The following SLIT2 variants were observed in gnomAD, a reference collection of about 807,000 sequenced individuals.
The protein encoded by SLIT2 is slit guidance ligand 2, also known as slit homolog 2 protein.
In SLIT2, 41 loss-of-function variants were observed where a neutral mutation model predicts 185.7. That is an observed-to-expected ratio of 0.22 (90% CI 0.17 to 0.29). The LOEUF is 0.29. SLIT2 is among the 10% of genes least tolerant of loss of function. SLIT2 has a pLI of 1.00. For synonymous variants in SLIT2, 693 were observed against 680.2 expected (o/e 1.02, Z -0.29); for missense variants, 1,571 against 1,909.0 (o/e 0.82, Z 3.30).
At chr4:20,507,767 G>T (rs1206578205) in intron 9 of SLIT2, among the ~76,000 whole-genome samples, 2 of 151,734 alleles carry the variant, frequency 1.3e-5, no homozygotes, top group Admixed American at 1.3e-4. Flanking sequence ...ACTATTAAAA[G>T]AAATCTACTA....
chr4:20,269,953 A>C (rs766176955), intron 4 of SLIT2, among the ~76,000 whole-genome samples: 9 of 151,916 alleles, frequency 5.9e-5, no homozygotes, highest in Non-Finnish European at 1.0e-4. Flanking sequence ...GACATACCAG[A>C]TCTCTCCAGA....
Position 20,345,537 on chromosome 4 carries a change from C to CTTT in SLIT2, c.395+76660_395+76662dup, listed in dbSNP as rs149402460. Among the ~76,000 whole-genome samples the CTTT allele has an allele frequency of 1.7e-4, 19 of 112,320 alleles. No homozygotes were observed. The South Asian group carries it at 2.6e-3, about 15-fold the overall frequency. The allele number at this position is 112,320 out of a possible 152,430, so 73.7% of individuals were successfully genotyped here. On this transcript the variant is annotated intron_variant, in intron 4 of 36. Transcript: ENST00000504154. ...TTTTCTTTTTCTTTTTTCCTTTTTT[C>CTTT]TTTTTTCTTTTTTTTTGAGATAGAG...
intron 5 of SLIT2, among the ~76,000 whole-genome samples, chr4:20,478,886 A>T (rs1440283788): frequency 1.3e-5 from 2 of 152,200 alleles, no homozygotes; most frequent in African/African-American, 4.8e-5. Flanking sequence ...ATCTGTAAAA[A>T]TCAAAAGTGC....
intron 26 of SLIT2, among the ~76,000 whole-genome samples, chr4:20,554,880 C>G (rs1232017457): frequency 1.3e-5 from 2 of 152,148 alleles, no homozygotes; most frequent in Non-Finnish European, 2.9e-5. Flanking sequence ...AGCAATTCTC[C>G]TGCCTCAGCC....
chr4:20,437,109 A>G (rs1462356146), intron 4 of SLIT2, among the ~76,000 whole-genome samples: 1 of 152,184 alleles, frequency 6.6e-6, no homozygotes, highest in African/African-American at 2.4e-5. Flanking sequence ...TTAATTCTGT[A>G]ATGACTCCCA....
At chr4:20,441,694 T>C (rs1308206650) in intron 4 of SLIT2, among the ~76,000 whole-genome samples, 6 of 152,140 alleles carry the variant, frequency 3.9e-5, no homozygotes, top group Non-Finnish European at 8.8e-5. Context: ...TCGGAAACAG[T>C]CACTTCCAAG....
chr4:20,279,328 A>G (rs1225602035), intron 4 of SLIT2, among the ~76,000 whole-genome samples: 1 of 152,210 alleles, frequency 6.6e-6, no homozygotes, highest in African/African-American at 2.4e-5. Context: ...TCATGCTATC[A>G]TAGCAGATCT....
intron 6 of SLIT2, among the ~76,000 whole-genome samples, chr4:20,483,805 A>G (rs1452948479): frequency 6.6e-6 from 1 of 152,120 alleles, no homozygotes; most frequent in Non-Finnish European, 1.5e-5. Context: ...ATGGGAGAAA[A>G]TGTTCACAAC....
chr4:20,345,917 A>G (rs953301879), intron 4 of SLIT2, among the ~76,000 whole-genome samples: 1 of 152,084 alleles, frequency 6.6e-6, no homozygotes, highest in Non-Finnish European at 1.5e-5. Context: ...AAGTACCTTG[A>G]AGCAAGATAT....
chr4:20,466,883 A>G (rs139515061), intron 4 of SLIT2, among the ~76,000 whole-genome samples: 182 of 152,278 alleles, frequency 1.2e-3, no homozygotes, highest in African/African-American at 4.0e-3. Flanking sequence ...CTATGTGGTA[A>G]TATTACTTAA....
rs538010008 is a variant in SLIT2 at position 20,323,993 on chromosome 4, C to A, written c.395+55112C>A. On this transcript the variant is annotated intron_variant, in intron 4 of 36. Transcript: ENST00000504154. The stretch of plus-strand genomic sequence containing the variant: ...AATTTTTGATTAATGACAACTAAAA[C>A]TTTTCAAGGCAGACCACTAAACACT... Among the ~76,000 whole-genome samples the A allele has an allele frequency of 4.9e-4, 75 of 152,228 alleles. No individual in the cohort carries two copies. In the South Asian group the frequency reaches 0.014, roughly 29 times the overall value.
chr4:20,253,583 TA>T lies in SLIT2; in HGVS notation c.-230del. On this transcript the variant is annotated 5_prime_UTR_variant, in exon 1 of 37. Coordinates refer to ENST00000504154, the MANE Select transcript of SLIT2 (RefSeq NM_004787.4). ...GCCAGGCGGATTCATCCTCAGGACCTAAAGTTGCCCAAGGAGCTCCTGCTCT... is the reference window on the plus strand; with the variant it reads ...GCCAGGCGGATTCATCCTCAGGACCTAAGTTGCCCAAGGAGCTCCTGCTCT... 1 of 584,036 alleles carries T rather than the reference TA, an allele frequency of 1.7e-6. No individual in the cohort carries two copies. Among genetic ancestry groups the T allele is most frequent in the Non-Finnish European group, 3.0e-6 (1 of 327,936 alleles). 36.2% of individuals were successfully genotyped at this position (584,036 alleles called of 1,614,324 possible). A position where few individuals can be genotyped will look rare whatever the true frequency, so the allele number is the denominator to read the frequency against.
chr4:20,561,926 T>A (rs1394607810), intron 26 of SLIT2, among the ~76,000 whole-genome samples: 1 of 151,882 alleles, frequency 6.6e-6, no homozygotes, highest in Non-Finnish European at 1.5e-5. Flanking sequence ...ATGTTTTACA[T>A]CCATATTCTC....
intron 4 of SLIT2, among the ~76,000 whole-genome samples, chr4:20,322,942 A>G (rs182194873): frequency 6.6e-6 from 1 of 152,204 alleles, no homozygotes; most frequent in African/African-American, 2.4e-5. Flanking sequence ...TCAGTGGATT[A>G]GTTGAGTACC....
intron 23 of SLIT2, among the ~76,000 whole-genome samples, chr4:20,548,764 G>T (rs1013304149): frequency 2.1e-4 from 32 of 152,084 alleles, no homozygotes; most frequent in African/African-American, 7.2e-4. Context: ...AGAATAATTT[G>T]TGTTTGTGGG....
At chr4:20,455,059 A>G (rs1343124894) in intron 4 of SLIT2, among the ~76,000 whole-genome samples, 1 of 152,210 alleles carries the variant, frequency 6.6e-6, no homozygotes. Flanking sequence ...TACATTATAT[A>G]TTATGGAAAA....
intron 17 of SLIT2, among the ~76,000 whole-genome samples, chr4:20,532,694 A>G (rs1279693553): frequency 6.6e-6 from 1 of 152,174 alleles, no homozygotes; most frequent in African/African-American, 2.4e-5. Context: ...GTGTGTCCAT[A>G]TATGTAACTG....
At chr4:20,486,936 A>G (rs1363975775) in intron 7 of SLIT2, among the ~76,000 whole-genome samples, 2 of 152,136 alleles carry the variant, frequency 1.3e-5, no homozygotes, top group Admixed American at 6.5e-5. Context: ...TTGACCTAAA[A>G]AAATATATTA....
intron 9 of SLIT2, among the ~76,000 whole-genome samples, chr4:20,504,041 T>C (rs1275704750): frequency 6.6e-6 from 1 of 152,280 alleles, no homozygotes; most frequent in East Asian, 1.9e-4. Context: ...GTTGGATCAT[T>C]TTATGTAGAA....
Sources: gnomAD v4.1 joint callset for allele counts (sites outside exome capture counted in the v4.1 genomes callset) on GRCh38, gnomAD v4.1.1 for gene constraint, MANE v1.5 for transcripts, NCBI Gene and HGNC (gene_info 2026-07-23, HGNC 2026-07-21) for gene names.